Variants in CFAP96 observed in about 807,000 individuals in gnomAD.
The protein encoded by CFAP96 is cilia-and flagella-associated protein 96.
chr4:185,439,749 TATCTC>T, the CFAP96 span, among the ~76,000 whole-genome samples: 2 of 148,590 alleles, frequency 1.3e-5, no homozygotes, highest in Non-Finnish European at 3.0e-5. Context: ...AATATATACA[TATCTC>T]ATATATACAT....
At chr4:185,418,897 T>A in the CFAP96 span, 2 of 736,662 alleles carry the variant, frequency 2.7e-6, no homozygotes, top group Non-Finnish European at 4.0e-6. Flanking sequence ...AATAATAATT[T>A]CAAAATTTTT....
the CFAP96 span, among the ~76,000 whole-genome samples, chr4:185,443,911 C>G: frequency 5.3e-5 from 7 of 132,584 alleles, 1 homozygote; most frequent in African/African-American, 2.1e-4. Context: ...AAACTTATAA[C>G]TATATCTTTC....
At chr4:185,410,853 G>C in the CFAP96 span, among the ~76,000 whole-genome samples, 113 of 150,684 alleles carry the variant, frequency 7.5e-4, no homozygotes, top group African/African-American at 2.5e-3. Context: ...GGCTGAGGGA[G>C]GATAATCGCT....
the CFAP96 span, among the ~76,000 whole-genome samples, chr4:185,440,039 TA>T: frequency 2.0e-5 from 3 of 149,374 alleles, no homozygotes; most frequent in African/African-American, 5.0e-5. Context: ...ATAATTTTTT[TA>T]ATTATAAAAA....
At chr4:185,425,897 T>A in the CFAP96 span, 1 of 1,594,240 alleles carries the variant, frequency 6.3e-7, no homozygotes, top group Non-Finnish European at 8.5e-7. Flanking sequence ...ACACGGGCGC[T>A]GACGCCTGCC....
the CFAP96 span, chr4:185,418,734 C>T: frequency 1.2e-6 from 2 of 1,609,126 alleles, no homozygotes; most frequent in South Asian, 2.2e-5. Context: ...TGACAGGTCA[C>T]TCAACACATG....
the CFAP96 span, among the ~76,000 whole-genome samples, chr4:185,446,729 T>G: frequency 6.6e-6 from 1 of 152,258 alleles, no homozygotes; most frequent in Non-Finnish European, 1.5e-5. Flanking sequence ...CCCACAACAT[T>G]TTTTGTGATG....
the CFAP96 span, among the ~76,000 whole-genome samples, chr4:185,438,478 A>G: frequency 5.9e-5 from 9 of 152,146 alleles, no homozygotes; most frequent in Admixed American, 1.3e-4. Flanking sequence ...TTGAGCATTC[A>G]GGATATAGTT....
chr4:185,428,691 T>G, the CFAP96 span, among the ~76,000 whole-genome samples: 2 of 152,148 alleles, frequency 1.3e-5, no homozygotes, highest in Non-Finnish European at 2.9e-5. Flanking sequence ...AAGCTCAGAG[T>G]TGAAGTATAC....
the CFAP96 span, chr4:185,431,890 C>T: frequency 1.8e-6 from 2 of 1,083,370 alleles, no homozygotes; most frequent in Non-Finnish European, 2.6e-6. Context: ...CATAATTGGC[C>T]CAAATCATAT....
chr4:185,426,167 G>A, the CFAP96 span: 22 of 484,384 alleles, frequency 4.5e-5, no homozygotes, highest in African/African-American at 1.2e-4. Context: ...GAATCTCCTC[G>A]TATCCTCCCA....
chr4:185,430,113 C>T, the CFAP96 span, among the ~76,000 whole-genome samples: 2 of 152,174 alleles, frequency 1.3e-5, no homozygotes, highest in African/African-American at 4.8e-5. Context: ...GGGACACTCC[C>T]CTATGCAAAC....
the CFAP96 span, chr4:185,418,704 G>A: frequency 1.2e-6 from 2 of 1,613,890 alleles, no homozygotes; most frequent in South Asian, 2.2e-5. Flanking sequence ...GAACACAAGG[G>A]CGTTTGAAGA....
chr4:185,449,684 G>C, the CFAP96 span: 1 of 1,345,352 alleles, frequency 7.4e-7, no homozygotes, highest in Non-Finnish European at 1.0e-6. Context: ...TTAACTATGA[G>C]TAATTCACTA....
chr4:185,422,697 C>T, the CFAP96 span: 59 of 685,310 alleles, frequency 8.6e-5, no homozygotes, highest in African/African-American at 1.0e-3. Context: ...GAGTTAATTC[C>T]TTGTTTTATA....
At chr4:185,444,539 C>CT in the CFAP96 span, among the ~76,000 whole-genome samples, 13 of 151,438 alleles carry the variant, frequency 8.6e-5, no homozygotes, top group Admixed American at 2.6e-4. Flanking sequence ...TTGCTTATTA[C>CT]TTTTTTTTTA....
At chr4:185,427,549 C>T in the CFAP96 span, among the ~76,000 whole-genome samples, 1 of 151,752 alleles carries the variant, frequency 6.6e-6, no homozygotes, top group Non-Finnish European at 1.5e-5. Context: ...CACTTGAGGT[C>T]AGGAGTTTGA....
chr4:185,441,659 TTTAA>T, the CFAP96 span, among the ~76,000 whole-genome samples: 3 of 150,056 alleles, frequency 2.0e-5, no homozygotes, highest in East Asian at 1.9e-4. Context: ...TTTAATTTCT[TTTAA>T]TTAATTTTTA....
At chr4:185,438,492 G>A in the CFAP96 span, among the ~76,000 whole-genome samples, 1 of 152,194 alleles carries the variant, frequency 6.6e-6, no homozygotes, top group Non-Finnish European at 1.5e-5. Flanking sequence ...TATAGTTACT[G>A]TCTTAATGCC....
Sources: gnomAD v4.1 joint callset for allele counts (sites outside exome capture counted in the v4.1 genomes callset) on GRCh38, gnomAD v4.1.1 for gene constraint, MANE v1.5 for transcripts, NCBI Gene and HGNC (gene_info 2026-07-23, HGNC 2026-07-21) for gene names.